NEO1: variants seen among roughly 807,000 people sequenced by gnomAD.
NEO1 encodes the protein neogenin.
In NEO1, 63 loss-of-function variants were observed where a neutral mutation model predicts 159.7. The ratio of observed to expected loss-of-function variants is 0.39; its 90% CI spans 0.32 to 0.49. NEO1 has a LOEUF of 0.49. Among genes scored for constraint, NEO1 ranks in the 20% least tolerant of loss-of-function variants. NEO1 has a pLI of 0.85. For synonymous variants in NEO1, 633 were observed against 662.0 expected (o/e 0.96, Z 0.67); for missense variants, 1,615 against 1,831.0 (o/e 0.88, Z 2.15).
intron 1 of NEO1, among the ~76,000 whole-genome samples, chr15:73,073,248 A>G (rs932359591): frequency 2.6e-5 from 4 of 152,190 alleles, no homozygotes; most frequent in African/African-American, 9.6e-5. Context: ...GGCAGAATTA[A>G]GTATGCTGAT....
intron 12 of NEO1, 138 bp from the exon 13 acceptor site, chr15:73,254,544 A>G: frequency 1.2e-6 from 1 of 804,490 alleles, no homozygotes; most frequent in Non-Finnish European, 1.9e-6. Context: ...TGATTATTAA[A>G]TAACTTTGTA....
chr15:73,251,796 G>A (rs575293392), intron 11 of NEO1, among the ~76,000 whole-genome samples: 20 of 152,216 alleles, frequency 1.3e-4, no homozygotes, highest in Non-Finnish European at 2.5e-4. Context: ...GATGCCAGGT[G>A]AAACAAATAT....
chr15:73,117,729 T>C (rs2071405315), intron 2 of NEO1, among the ~76,000 whole-genome samples: 1 of 152,180 alleles, frequency 6.6e-6, no homozygotes, highest in Non-Finnish European at 1.5e-5. Context: ...TTTTTTCCTC[T>C]TTGGGGACAA....
At chr15:73,261,764 CT>C (rs1436479467) in intron 15 of NEO1, among the ~76,000 whole-genome samples, 2 of 152,056 alleles carry the variant, frequency 1.3e-5, no homozygotes, top group Admixed American at 1.3e-4. Context: ...TCACAATAGG[CT>C]TTTTTGTAGA....
rs568977337 is a variant in NEO1 at position 73,124,218 on chromosome 15, C to T, written c.724+1418C>T. ...CTGGGACAAACGGTACACACCACCA[C>T]ATCTGGCTAATTTTTTTGTATTTTT... is the stretch of plus-strand genomic sequence containing the variant. On this transcript the variant is annotated intron_variant, in intron 3 of 28. Coordinates refer to ENST00000261908, the MANE Select transcript of NEO1 (RefSeq NM_002499.4). Among the ~76,000 whole-genome samples, 20 of 151,272 alleles carry T rather than the reference C, an allele frequency of 1.3e-4. No homozygotes were observed. The South Asian group carries it at 4.2e-3, about 32-fold the overall frequency.
intron 16 of NEO1, among the ~76,000 whole-genome samples, chr15:73,266,768 G>A (rs540346709): frequency 3.3e-5 from 5 of 152,208 alleles, no homozygotes; most frequent in African/African-American, 1.2e-4. Flanking sequence ...GGTTACTGAC[G>A]GTGGCAATAA....
In NEO1 at chr15:73,257,132, C is replaced by CAAAAAAAAAAAAAAA. The variant is rs10623334; in HGVS notation, c.2093-1627_2093-1613dup. ...GGGCAACAGAGAGAGACTCTGTCTC[C>CAAAAAAAAAAAAAAA]AAAAAAAAAAAAAAAAAAAAAGTTT... On this transcript the variant is annotated intron_variant, in intron 13 of 28. Transcript: ENST00000261908. 1.7e-3 allele frequency among the ~76,000 whole-genome samples: 92 copies of CAAAAAAAAAAAAAAA among 54,752 alleles called. 9 individuals carry two copies. The highest frequency in any genetic ancestry group is 5.2e-3 in the African/African-American group (90 of 17,162). 35.9% of individuals were successfully genotyped at this position (54,752 alleles called of 152,430 possible).
chr15:73,191,645 G>A (rs975174519), intron 7 of NEO1, among the ~76,000 whole-genome samples: 5 of 151,828 alleles, frequency 3.3e-5, no homozygotes, highest in African/African-American at 1.2e-4. Flanking sequence ...TTTCAAAATA[G>A]ACAACAGAAA....
At chr15:73,199,108 T>C (rs2036706698) in intron 7 of NEO1, among the ~76,000 whole-genome samples, 1 of 150,418 alleles carries the variant, frequency 6.6e-6, no homozygotes, top group South Asian at 2.2e-4. Flanking sequence ...CTCAGACTTA[T>C]CCTTGTTTTT....
At chr15:73,112,865 C>A (rs569859558) in intron 1 of NEO1, among the ~76,000 whole-genome samples, 2 of 152,120 alleles carry the variant, frequency 1.3e-5, no homozygotes, top group Non-Finnish European at 1.5e-5. Flanking sequence ...TACATAGAAA[C>A]ATGTGCTTTT....
intron 7 of NEO1, among the ~76,000 whole-genome samples, chr15:73,182,302 G>A (rs17829830): frequency 0.32 from 49,022 of 151,858 alleles, 9,070 homozygotes; most frequent in Admixed American, 0.45. Flanking sequence ...CTAGAAGAAT[G>A]GTGACACCTT....
Position 73,270,303 on chromosome 15 carries a change from A to T in NEO1, c.2719-13A>T, listed in dbSNP as rs1425573875. On this transcript the variant is annotated splice_polypyrimidine_tract_variant and intron_variant, in intron 17 of 28. Transcript: ENST00000261908. ...CTTTCTAATTTTAAAGTCTCAATTCATGTTTTTTTCAGAATGCAAATGCAA... is the reference window on the plus strand; with the variant it reads ...CTTTCTAATTTTAAAGTCTCAATTCTTGTTTTTTTCAGAATGCAAATGCAA... 1 of 1,613,904 alleles carries T rather than the reference A, an allele frequency of 6.2e-7. No individual in the cohort carries two copies. The highest frequency in any genetic ancestry group is 1.1e-5 in the South Asian group (1 of 91,044).
chr15:73,173,110 A>G (rs1434403144), intron 5 of NEO1, among the ~76,000 whole-genome samples: 2 of 152,204 alleles, frequency 1.3e-5, no homozygotes, highest in African/African-American at 4.8e-5. Context: ...TTCTAAATAG[A>G]AAGACTCACA....
At chr15:73,056,341 C>G (rs2067695405) in intron 1 of NEO1, among the ~76,000 whole-genome samples, 1 of 152,238 alleles carries the variant, frequency 6.6e-6, no homozygotes, top group African/African-American at 2.4e-5. Context: ...TCTCTACCAG[C>G]TTTCTCTTCC....
intron 8 of NEO1, among the ~76,000 whole-genome samples, chr15:73,240,109 C>A (rs1390483254): frequency 6.6e-6 from 1 of 152,118 alleles, no homozygotes; most frequent in Non-Finnish European, 1.5e-5. Flanking sequence ...GTTGAGAAAC[C>A]CTGGCATGGA....
At chr15:73,290,320 A>G (rs1425646288) in intron 25 of NEO1, among the ~76,000 whole-genome samples, 4 of 130,340 alleles carry the variant, frequency 3.1e-5, no homozygotes, top group East Asian at 2.4e-4. Flanking sequence ...AGCTCACTGC[A>G]GCCTCCACCT....
At chr15:73,092,086 T>A (rs2069726876) in intron 1 of NEO1, among the ~76,000 whole-genome samples, 1 of 152,208 alleles carries the variant, frequency 6.6e-6, no homozygotes, top group African/African-American at 2.4e-5. Flanking sequence ...ACCTTTAGAA[T>A]ATTTATTTAT....
intron 27 of NEO1, 56 bp downstream of exon 27, chr15:73,298,667 T>G: frequency 6.3e-7 from 1 of 1,597,938 alleles, no homozygotes; most frequent in Non-Finnish European, 8.6e-7. Context: ...ACCCTTTGGC[T>G]CAAGCTTGGG....
At chr15:73,147,870 G>A (rs889292615) in intron 5 of NEO1, among the ~76,000 whole-genome samples, 8 of 150,176 alleles carry the variant, frequency 5.3e-5, no homozygotes, top group Admixed American at 3.3e-4. Flanking sequence ...CTGGAGTGCA[G>A]TTGCGCGATC....
Sources: allele counts gnomAD v4.1 joint callset (sites outside exome capture counted in the v4.1 genomes callset), GRCh38; gene constraint gnomAD v4.1.1; transcripts MANE v1.5; gene names NCBI Gene and HGNC (gene_info 2026-07-23, HGNC 2026-07-21).